Variants in SYN3 observed in about 807,000 individuals in gnomAD.
The protein encoded by SYN3 is synapsin III, also known as synapsin-3.
In SYN3, 35 loss-of-function variants were observed where a neutral mutation model predicts 65.8. The observed-to-expected ratio is 0.53, with a 90% CI of 0.41 to 0.70. The LOEUF is 0.70. SYN3 is among the 30% of genes least tolerant of loss of function. SYN3 has a pLI of 0.00. For missense variants in SYN3, 680 were observed against 749.0 expected (o/e 0.91, Z 1.08); for synonymous variants, 270 against 292.9 (o/e 0.92, Z 0.80).
At chr22:32,704,470 G>A (rs1569160677) in intron 6 of SYN3, among the ~76,000 whole-genome samples, 2 of 152,142 alleles carry the variant, frequency 1.3e-5, no homozygotes, top group Admixed American at 6.5e-5. Context: ...ACCACTGATG[G>A]GCATTTAGGT....
At chr22:32,958,993 G>C (rs1396808604) in intron 3 of SYN3, among the ~76,000 whole-genome samples, 1 of 152,088 alleles carries the variant, frequency 6.6e-6, no homozygotes, top group Non-Finnish European at 1.5e-5. Flanking sequence ...AAGAGTTCAA[G>C]ACCAGCCTGG....
intron 1 of SYN3, among the ~76,000 whole-genome samples, chr22:33,044,689 G>A (rs1041152128): frequency 3.3e-5 from 5 of 151,638 alleles, no homozygotes; most frequent in Admixed American, 2.0e-4. Flanking sequence ...CACCTTTTCT[G>A]TGAACTCTCC....
At chr22:33,015,292 G>A (rs560316250) in intron 1 of SYN3, 8 of 600,862 alleles carry the variant, frequency 1.3e-5, no homozygotes, top group South Asian at 9.4e-5. Flanking sequence ...TATTTTAAAC[G>A]GCGTTTGAAC....
chr22:32,590,107 T>C (rs1240395331), intron 7 of SYN3, among the ~76,000 whole-genome samples: 1 of 152,162 alleles, frequency 6.6e-6, no homozygotes, highest in African/African-American at 2.4e-5. Flanking sequence ...AATCAAGAAC[T>C]AGAACTTTGC....
rs570103122 is a variant in SYN3 at position 32,762,173 on chromosome 22, C to T, written c.711+102742G>A. The stretch of plus-strand genomic sequence containing the variant: ...CAGTGGGGTAGGATTTTAGCGCCAT[C>T]TTGCTCCCTGTCCATACATCCTTCC... On this transcript the variant is annotated intron_variant, in intron 6 of 13. Coordinates refer to ENST00000358763, the MANE Select transcript of SYN3 (RefSeq NM_003490.4). Among the ~76,000 whole-genome samples the T allele has an allele frequency of 1.7e-4, 26 of 152,352 alleles. No individual in the cohort carries two copies. In the South Asian group the frequency reaches 5.4e-3, roughly 32 times the overall value.
intron 4 of SYN3, among the ~76,000 whole-genome samples, chr22:32,890,072 C>CTTT (rs5845051): frequency 0.036 from 2,120 of 58,228 alleles, 182 homozygotes; most frequent in Middle Eastern, 0.068. Context: ...GATTTAGCTG[C>CTTT]TTTTTTTTTT....
At chr22:32,604,088 C>A (rs1483892507) in intron 6 of SYN3, among the ~76,000 whole-genome samples, 1 of 152,232 alleles carries the variant, frequency 6.6e-6, no homozygotes, top group African/African-American at 2.4e-5. Context: ...TCCACAGAGT[C>A]AGAGAAACAG....
intron 6 of SYN3, among the ~76,000 whole-genome samples, chr22:32,701,143 T>C (rs2060805129): frequency 6.6e-6 from 1 of 152,220 alleles, no homozygotes. Flanking sequence ...TAATCTGTTC[T>C]CTGCAGAGTA....
intron 6 of SYN3, among the ~76,000 whole-genome samples, chr22:32,731,818 G>C (rs1177178428): frequency 6.6e-6 from 1 of 152,162 alleles, no homozygotes; most frequent in Non-Finnish European, 1.5e-5. Context: ...ATGTAGTAGA[G>C]GCCATATGGT....
At chr22:33,003,461 G>A (rs2053117678) in intron 2 of SYN3, among the ~76,000 whole-genome samples, 1 of 152,208 alleles carries the variant, frequency 6.6e-6, no homozygotes, top group Admixed American at 6.5e-5. Context: ...ATGAAGTCCA[G>A]GTTGAGGTGG....
In SYN3 at chr22:32,952,287, T is replaced by C. The variant is rs372921168; in HGVS notation, c.370-20806A>G. On this transcript the variant is annotated intron_variant, in intron 3 of 13. Coordinates refer to ENST00000358763, the MANE Select transcript of SYN3 (RefSeq NM_003490.4). The stretch of plus-strand genomic sequence containing the variant: ...TGTGCGCACACGCATGTGAATAATG[T>C]GTGTGTGGGGGGGTGTGTGTGTGTG... 1.7e-4 allele frequency among the ~76,000 whole-genome samples: 25 copies of C among 148,408 alleles called. No homozygotes were observed. The East Asian group carries it at 4.8e-3, about 29-fold the overall frequency.
At chr22:32,785,219 C>T (rs1199739904) in intron 6 of SYN3, among the ~76,000 whole-genome samples, 1 of 152,116 alleles carries the variant, frequency 6.6e-6, no homozygotes, top group African/African-American at 2.4e-5. Flanking sequence ...TATACAGAGA[C>T]TCCATGGCTC....
At position 32,596,690 on chromosome 22, in the gene SYN3, T is replaced by G; in HGVS notation, c.758A>C (p.His253Pro). The G allele has an allele frequency of 6.2e-7, 1 of 1,613,906 alleles. No individual in the cohort carries two copies. Among genetic ancestry groups the G allele is most frequent in the Non-Finnish European group, 8.5e-7 (1 of 1,179,922 alleles). The change falls in exon 7 of 14, where the codon CAC (histidine) becomes CCC (proline). Residue 253 changes from histidine (H) to proline (P), a missense_variant. His to Pro is a moderately conservative substitution (Grantham distance 77, BLOSUM62 -2). Coordinates refer to ENST00000358763, the MANE Select transcript of SYN3 (RefSeq NM_003490.4). The part of the protein sequence containing the change: ...FPVVVKLGHA[H>P]AGMGKIKVEN... Reference sequence around the variant, plus strand: ...TTCTCATACCTTTCCCATTCCAGCGTGGGCATGTCCCAGCTTGACTACCAC... The same window carrying G: ...TTCTCATACCTTTCCCATTCCAGCGGGGGCATGTCCCAGCTTGACTACCAC...
intron 4 of SYN3, among the ~76,000 whole-genome samples, chr22:32,884,037 T>G (rs545678291): frequency 4.6e-5 from 7 of 152,226 alleles, no homozygotes; most frequent in Non-Finnish European, 8.8e-5. Flanking sequence ...TAGCTGGGAC[T>G]TATTCTTTCC....
At chr22:32,949,682 G>T (rs117942176) in intron 3 of SYN3, among the ~76,000 whole-genome samples, 11 of 152,270 alleles carry the variant, frequency 7.2e-5, no homozygotes, top group Non-Finnish European at 1.3e-4. Context: ...ATTACTGAAA[G>T]CACGGGGTAT....
chr22:32,708,134 T>C (rs549141274), intron 6 of SYN3, among the ~76,000 whole-genome samples: 1 of 152,250 alleles, frequency 6.6e-6, no homozygotes, highest in East Asian at 1.9e-4. Context: ...TGTTTAGTAA[T>C]AAAAAAAGCA....
chr22:33,024,871 C>T (rs185904281), intron 1 of SYN3, among the ~76,000 whole-genome samples: 6 of 152,230 alleles, frequency 3.9e-5, no homozygotes, highest in East Asian at 1.9e-4. Context: ...AGTGTTCTTC[C>T]GAGAACATCT....
chr22:32,869,490 T>C (rs947116840), intron 4 of SYN3, among the ~76,000 whole-genome samples: 4 of 151,946 alleles, frequency 2.6e-5, no homozygotes, highest in Non-Finnish European at 5.9e-5. Flanking sequence ...AATGTATGTA[T>C]TATCCATGGT....
rs151031683 is a variant in SYN3, at chr22:32,996,061, C to T, written c.311+10291G>A. ...AAGTATCAGGTACTCTCCCTGAATT[C>T]CAGGGCAACTGAATATTTTCTAAGA... On this transcript the variant is annotated intron_variant, in intron 2 of 13. Transcript: ENST00000358763. 9.3e-3 allele frequency among the ~76,000 whole-genome samples: 1,409 copies of T among 152,180 alleles called. 14 individuals carry two copies. The highest frequency in any genetic ancestry group is 0.034 in the Middle Eastern group (10 of 294).
Sources: gnomAD v4.1 joint callset for allele counts (sites outside exome capture counted in the v4.1 genomes callset) on GRCh38, gnomAD v4.1.1 for gene constraint, MANE v1.5 for transcripts, NCBI Gene and HGNC (gene_info 2026-07-23, HGNC 2026-07-21) for gene names.